TRHDE: variants seen among roughly 807,000 people sequenced by gnomAD.
TRHDE encodes thyrotropin releasing hormone degrading enzyme.
A neutral mutation model predicts 125.7 loss-of-function variants in TRHDE; 72 were observed. The observed-to-expected ratio is 0.57, with a 90% confidence interval of 0.47 to 0.70. TRHDE has a LOEUF of 0.70. Ranked by LOEUF, TRHDE falls within the 30% of genes least tolerant of loss-of-function variation. The probability of loss-of-function intolerance (pLI) is 0.00; values close to 1 mark genes in which losing one functional copy is unlikely to be tolerated. For missense variants in TRHDE, 1,110 were observed against 1,327.1 expected, an observed-to-expected ratio of 0.84 and a Z score of 2.54; for synonymous variants, 509 against 509.1, an observed-to-expected ratio of 1.00 and a Z score of 0.00.
At position 72,237,383 on chromosome 12, in the gene TRHDE, A is replaced by G. The variant is rs1878355876; in HGVS notation, n.279+131631A>G. 2.0e-5 allele frequency among the ~76,000 whole-genome samples: 3 copies of G among 152,250 alleles called. No individual in the cohort carries two copies. The South Asian group carries it at 6.2e-4, about 32-fold the overall frequency. On this transcript the variant is annotated intron_variant and non_coding_transcript_variant, in intron 2 of 4. Coordinates refer to the TRHDE transcript ENST00000548156. ...AGAGCTTATCAAAGTGCTGAATCAGAGACTCAATGTATAGAAAAAATCATA... is the reference window on the plus strand; with the variant it reads ...AGAGCTTATCAAAGTGCTGAATCAGGGACTCAATGTATAGAAAAAATCATA...
chr12:72,372,095 G>C (rs1299456933), intron 2 of TRHDE, among the ~76,000 whole-genome samples: 1 of 152,114 alleles, frequency 6.6e-6, no homozygotes, highest in Non-Finnish European at 1.5e-5. Context: ...TAACTGGTGT[G>C]AGATGGCATC....
intron 6 of TRHDE, among the ~76,000 whole-genome samples, chr12:72,539,865 T>A (rs1869054603): frequency 6.6e-6 from 1 of 151,888 alleles, no homozygotes; most frequent in Non-Finnish European, 1.5e-5. Context: ...CTACTTTTCA[T>A]AAAGCTACTC....
intron 3 of TRHDE, among the ~76,000 whole-genome samples, chr12:72,401,977 C>CT (rs1422914611): frequency 6.6e-6 from 1 of 152,050 alleles, no homozygotes; most frequent in Non-Finnish European, 1.5e-5. Context: ...TTATACTTAC[C>CT]TTTTTTTGAG....
At chr12:72,292,150 A>G (rs1215003260) in intron 2 of TRHDE, among the ~76,000 whole-genome samples, 1 of 152,228 alleles carries the variant, frequency 6.6e-6, no homozygotes, top group Non-Finnish European at 1.5e-5. Context: ...TTTATGAGGC[A>G]TGCCCTTAAG....
chr12:72,618,772 A>G, intron 12 of TRHDE, 119 bp from the exon 13 acceptor site: 1 of 778,416 alleles, frequency 1.3e-6, no homozygotes, highest in Non-Finnish European at 1.9e-6. Context: ...TTTTATTCTT[A>G]TAACACTGAA....
chr12:72,565,773 A>G (rs1870412650), intron 9 of TRHDE, among the ~76,000 whole-genome samples: 1 of 151,980 alleles, frequency 6.6e-6, no homozygotes, highest in Admixed American at 6.6e-5. Flanking sequence ...CTACCTTAAT[A>G]TAATCATTAG....
At chr12:72,229,293 A>C (rs757451592) in intron 2 of TRHDE, among the ~76,000 whole-genome samples, 6 of 152,182 alleles carry the variant, frequency 3.9e-5, no homozygotes, top group Non-Finnish European at 7.3e-5. Flanking sequence ...CATGTCTTAC[A>C]TGGTAGCAGG....
At chr12:72,300,612 C>A (rs1336197291) in intron 2 of TRHDE, among the ~76,000 whole-genome samples, 1 of 149,190 alleles carries the variant, frequency 6.7e-6, no homozygotes, top group Non-Finnish European at 1.5e-5. Flanking sequence ...AGATGTATAG[C>A]GTGTGTGTGT....
At chr12:72,165,855 T>G (rs1227405412) in intron 2 of TRHDE, among the ~76,000 whole-genome samples, 3 of 152,068 alleles carry the variant, frequency 2.0e-5, no homozygotes, top group Admixed American at 2.0e-4. Context: ...TTTTGTATTT[T>G]TAGTAGGGAC....
intron 2 of TRHDE, among the ~76,000 whole-genome samples, chr12:72,196,129 C>T (rs957492357): frequency 8.5e-5 from 13 of 152,100 alleles, no homozygotes; most frequent in African/African-American, 3.1e-4. Flanking sequence ...TTATTGTAGC[C>T]ATACGGTATA....
chr12:72,585,373 C>T (rs189456205), intron 12 of TRHDE, among the ~76,000 whole-genome samples: 2 of 152,298 alleles, frequency 1.3e-5, no homozygotes, highest in East Asian at 3.9e-4. Flanking sequence ...AAATAACTGA[C>T]AATAAATAAA....
intron 12 of TRHDE, among the ~76,000 whole-genome samples, chr12:72,607,773 G>A (rs1051698111): frequency 6.6e-6 from 1 of 152,152 alleles, no homozygotes; most frequent in Non-Finnish European, 1.5e-5. Flanking sequence ...CAGATTAAAT[G>A]TGTTGCTATC....
At chr12:72,597,758 T>TATATATATATAC (rs1565804834) in intron 12 of TRHDE, among the ~76,000 whole-genome samples, 18 of 20,314 alleles carry the variant, frequency 8.9e-4, no homozygotes, top group South Asian at 2.5e-3. Context: ...TATATATATA[T>TATATATATATAC]GCATACACAC....
chr12:72,508,356 G>A (rs762835325), intron 6 of TRHDE, among the ~76,000 whole-genome samples: 9 of 152,222 alleles, frequency 5.9e-5, no homozygotes, highest in Non-Finnish European at 8.8e-5. Flanking sequence ...AGCTACAGGG[G>A]CAGAGCTGCC....
Position 72,273,966 on chromosome 12 carries a change from G to A in TRHDE, c.914+409G>A, listed in dbSNP as rs1209490175. The A allele has an allele frequency of 1.1e-5, 2 of 189,748 alleles. No individual in the cohort carries two copies. The highest frequency in any genetic ancestry group is 1.1e-5 in the Non-Finnish European group (1 of 90,280). 11.8% of individuals were successfully genotyped at this position (189,748 alleles called of 1,614,324 possible). ...TGGCGCTGAAGGCCAAGACAACAGC[G>A]CATCCAGGTTAGCATGTCAGGGCAG... On this transcript the variant is annotated intron_variant, in intron 1 of 18. Coordinates refer to ENST00000261180, the MANE Select transcript of TRHDE (RefSeq NM_013381.3). This position sits in a 1 kb window ranked among gnomAD's most constrained non-coding sequence, Gnocchi z 5.3.
intron 3 of TRHDE, among the ~76,000 whole-genome samples, chr12:72,418,548 T>G (rs375097055): frequency 6.6e-6 from 1 of 152,096 alleles, no homozygotes; most frequent in African/African-American, 2.4e-5. Context: ...ACTGGTAAAT[T>G]GATTTCCCCA....
chr12:72,300,782 A>ATGGT (rs1248180973), intron 2 of TRHDE, among the ~76,000 whole-genome samples: 1 of 151,964 alleles, frequency 6.6e-6, no homozygotes, highest in African/African-American at 2.4e-5. Context: ...TATTCAGAGG[A>ATGGT]TGGTTGATAT....
intron 2 of TRHDE, among the ~76,000 whole-genome samples, chr12:72,118,730 C>A (rs900762633): frequency 6.6e-6 from 1 of 152,008 alleles, no homozygotes; most frequent in Non-Finnish European, 1.5e-5. Flanking sequence ...TCTTGTTACT[C>A]GTTACTGGTC....
chr12:72,430,377 A>G (rs1206904333), intron 3 of TRHDE, among the ~76,000 whole-genome samples: 1 of 144,716 alleles, frequency 6.9e-6, no homozygotes, highest in Admixed American at 7.1e-5. Context: ...ATACGTATAT[A>G]TACATGTATA....
Sources: allele counts gnomAD v4.1 joint callset (sites outside exome capture counted in the v4.1 genomes callset), GRCh38; gene constraint gnomAD v4.1.1; non-coding constraint Gnocchi (gnomAD v3.1); transcripts MANE v1.5; gene names NCBI Gene and HGNC (gene_info 2026-07-23, HGNC 2026-07-21).